Variants in GULP1 observed in about 807,000 individuals in gnomAD.
GULP1 encodes GULP PTB domain containing engulfment adaptor 1.
Under a neutral mutation model 40.9 loss-of-function variants are expected in GULP1, and 19 were observed. That is an observed-to-expected ratio of 0.46 (90% CI 0.32 to 0.68). The LOEUF (loss-of-function observed/expected upper bound fraction) is 0.68. Ranked by LOEUF, GULP1 falls within the 30% of genes least tolerant of loss-of-function variation. The pLI, the probability that GULP1 is intolerant of heterozygous loss-of-function variation, is 0.03. For synonymous variants in GULP1, 119 were observed against 117.6 expected (o/e 1.01, Z -0.08); for missense variants, 312 against 362.2 (o/e 0.86, Z 1.12).
intron 6 of GULP1, among the ~76,000 whole-genome samples, chr2:188,532,626 T>A (rs1043965119): frequency 1.3e-5 from 2 of 151,926 alleles, no homozygotes; most frequent in African/African-American, 4.8e-5. Context: ...CAATGAAAGA[T>A]ATGTGAACTG....
intron 2 of GULP1, among the ~76,000 whole-genome samples, chr2:188,390,960 T>C (rs1182613109): frequency 6.6e-6 from 1 of 152,168 alleles, no homozygotes; most frequent in African/African-American, 2.4e-5. Context: ...TTCTCTATTA[T>C]GGTCCATTGG....
chr2:188,501,653 C>T (rs558295086), intron 4 of GULP1, among the ~76,000 whole-genome samples: 6 of 151,788 alleles, frequency 4.0e-5, no homozygotes, highest in African/African-American at 9.7e-5. Context: ...GATGTTTCCG[C>T]GTCTTAGAGT....
intron 4 of GULP1, among the ~76,000 whole-genome samples, chr2:188,500,255 G>A (rs1031168292): frequency 3.3e-5 from 5 of 151,996 alleles, no homozygotes; most frequent in Middle Eastern, 3.4e-3. Context: ...CACAATGTAC[G>A]TGAGAAACAC....
chr2:188,297,693 A>G (rs893052143), intron 1 of GULP1: 2 of 285,240 alleles, frequency 7.0e-6, no homozygotes, highest in East Asian at 3.0e-4. Flanking sequence ...GAGCATACAT[A>G]ATCTACTGAC....
chr2:188,364,888 ACG>A (rs903452168), intron 1 of GULP1, among the ~76,000 whole-genome samples: 34 of 149,884 alleles, frequency 2.3e-4, no homozygotes, highest in African/African-American at 8.2e-4. Context: ...ACACACACAC[ACG>A]TATATACACA....
In GULP1 at chr2:188,489,004, TA is replaced by T. The variant is rs1009795947; in HGVS notation, c.90+5521del. Among the ~76,000 whole-genome samples, 205 of 151,126 alleles carry T rather than the reference TA, an allele frequency of 1.4e-3. 1 individual carries two copies. The highest frequency in any genetic ancestry group is 4.5e-3 in the African/African-American group (186 of 41,294). On this transcript the variant is annotated intron_variant, in intron 4 of 11. Transcript: ENST00000409830. Reference sequence around the variant, plus strand: ...GTCATAGTAAAGACGGGTCTTAATATAAAAAAAAATAATTTTACTAATGCTC... The same window carrying T: ...GTCATAGTAAAGACGGGTCTTAATATAAAAAAAATAATTTTACTAATGCTC...
intron 2 of GULP1, among the ~76,000 whole-genome samples, chr2:188,426,496 A>G (rs886346609): frequency 2.0e-5 from 3 of 152,184 alleles, no homozygotes; most frequent in African/African-American, 7.2e-5. Context: ...CCCCCATAAG[A>G]GACAGCTTTG....
At chr2:188,455,117 G>T (rs1424772917) in intron 2 of GULP1, among the ~76,000 whole-genome samples, 1 of 152,092 alleles carries the variant, frequency 6.6e-6, no homozygotes, top group Non-Finnish European at 1.5e-5. Flanking sequence ...TGGAGACAGA[G>T]TGAGATCCTG....
chr2:188,457,636 G>A (rs1183396500), intron 2 of GULP1, among the ~76,000 whole-genome samples: 1 of 152,140 alleles, frequency 6.6e-6, no homozygotes, highest in Non-Finnish European at 1.5e-5. Flanking sequence ...GATAAGAAGA[G>A]GAACATAACT....
chr2:188,460,187 G>A (rs180786242), intron 2 of GULP1, among the ~76,000 whole-genome samples: 22 of 152,082 alleles, frequency 1.4e-4, no homozygotes, highest in Admixed American at 9.2e-4. Flanking sequence ...GAAGAATGTC[G>A]TTGGTATTTT....
intron 1 of GULP1, chr2:188,294,429 T>C (rs903614375): frequency 6.6e-6 from 1 of 152,216 alleles, no homozygotes; most frequent in Non-Finnish European, 1.5e-5. Flanking sequence ...ATTTGCCCTT[T>C]ACTGCTTCCT....
intron 2 of GULP1, among the ~76,000 whole-genome samples, chr2:188,413,448 G>A (rs2054176393): frequency 6.6e-6 from 1 of 152,132 alleles, no homozygotes; most frequent in African/African-American, 2.4e-5. Context: ...GTGATGATGA[G>A]CATTTTTTCA....
At chr2:188,580,214 A>C (rs914767615) in intron 9 of GULP1, among the ~76,000 whole-genome samples, 5 of 152,242 alleles carry the variant, frequency 3.3e-5, no homozygotes, top group African/African-American at 1.2e-4. Flanking sequence ...GATTTTAAAA[A>C]TTGTGTACAT....
In GULP1 at chr2:188,573,258, G is replaced by A. The variant is rs530788948; in HGVS notation, c.609+3138G>A. Among the ~76,000 whole-genome samples the A allele has an allele frequency of 4.8e-5, 7 of 144,848 alleles. No individual in the cohort carries two copies. The East Asian group carries it at 5.8e-4, about 12-fold the overall frequency. ...AGTAATGTAGCTATGAAATAAACTCGTAGAACACTTAAGTACAGCTTATTT... is the reference window on the plus strand; with the variant it reads ...AGTAATGTAGCTATGAAATAAACTCATAGAACACTTAAGTACAGCTTATTT... On this transcript the variant is annotated intron_variant, in intron 9 of 11. Transcript: ENST00000409830.
At position 188,352,781 on chromosome 2, in the gene GULP1, A is replaced by G. The variant is rs1354784421; in HGVS notation, c.-171-30982A>G. ...CAGTCTTCAGCCTCACTATTGAGGA[A>G]CTGAAATAGGAAAATGTTAAGTATA... On this transcript the variant is annotated intron_variant, in intron 1 of 11. Coordinates refer to ENST00000409830, the MANE Select transcript of GULP1 (RefSeq NM_016315.4). 2.6e-5 allele frequency among the ~76,000 whole-genome samples: 4 copies of G among 152,166 alleles called. No homozygotes were observed. The East Asian group carries it at 7.7e-4, about 29-fold the overall frequency.
intron 1 of GULP1, among the ~76,000 whole-genome samples, chr2:188,311,744 A>G (rs2038156980): frequency 6.8e-6 from 1 of 148,016 alleles, no homozygotes; most frequent in Non-Finnish European, 1.5e-5. Context: ...TAAATCTAAT[A>G]TTTATATGTA....
At chr2:188,349,614 T>C (rs2152279484) in intron 1 of GULP1, among the ~76,000 whole-genome samples, 1 of 152,296 alleles carries the variant, frequency 6.6e-6, no homozygotes, top group African/African-American at 2.4e-5. Flanking sequence ...AGTTGTTCTC[T>C]ATCAGATGTA....
At chr2:188,493,680 A>G (rs980260968) in intron 4 of GULP1, among the ~76,000 whole-genome samples, 6 of 152,170 alleles carry the variant, frequency 3.9e-5, no homozygotes, top group Middle Eastern at 3.4e-3. Flanking sequence ...ATCCTCCTCT[A>G]TCTGAGCCAG....
chr2:188,497,616 T>A (rs2063027882), intron 4 of GULP1, among the ~76,000 whole-genome samples: 1 of 151,938 alleles, frequency 6.6e-6, no homozygotes, highest in Non-Finnish European at 1.5e-5. Flanking sequence ...GAATAACTGA[T>A]CAGCAAAAGA....
Sources: gnomAD v4.1 joint callset for allele counts (sites outside exome capture counted in the v4.1 genomes callset) on GRCh38, gnomAD v4.1.1 for gene constraint, MANE v1.5 for transcripts, NCBI Gene and HGNC (gene_info 2026-07-23, HGNC 2026-07-21) for gene names.